Variants in LRRC4C observed in about 807,000 individuals in gnomAD.
LRRC4C encodes the protein leucine rich repeat containing 4C, also known as leucine-rich repeat-containing protein 4C.
Under a neutral mutation model 33.6 loss-of-function variants are expected in LRRC4C, and 5 were observed. The observed-to-expected ratio is 0.15, with a 90% CI of 0.08 to 0.31. The LOEUF is 0.31. Among genes scored for constraint, LRRC4C ranks in the 10% least tolerant of loss-of-function variants. The pLI is 1.00. For missense variants in LRRC4C, 560 were observed against 796.7 expected (o/e 0.70, Z 3.58); for synonymous variants, 329 against 302.0 (o/e 1.09, Z -0.93).
chr11:41,431,037 C>T (rs1028276451), intron 1 of LRRC4C, among the ~76,000 whole-genome samples: 1 of 151,958 alleles, frequency 6.6e-6, no homozygotes, highest in East Asian at 1.9e-4. Context: ...AGCTTAAATG[C>T]AAAAATTGTA....
intron 3 of LRRC4C, among the ~76,000 whole-genome samples, chr11:40,542,637 T>C (rs900180863): frequency 2.0e-5 from 3 of 151,064 alleles, no homozygotes; most frequent in Non-Finnish European, 3.0e-5. Context: ...GGGAAGTTCT[T>C]TCTCTCTCTC....
chr11:40,360,453 G>C (rs1590439485), intron 3 of LRRC4C, among the ~76,000 whole-genome samples: 3 of 152,184 alleles, frequency 2.0e-5, no homozygotes, highest in African/African-American at 7.2e-5. Flanking sequence ...AAAACACTCT[G>C]CTGCGTGCAC....
At chr11:40,360,140 T>G (rs988380422) in intron 3 of LRRC4C, among the ~76,000 whole-genome samples, 3 of 152,214 alleles carry the variant, frequency 2.0e-5, no homozygotes, top group African/African-American at 7.2e-5. Context: ...AAAGGCAGTA[T>G]GAGAGACTCT....
At chr11:41,348,751 C>T (rs1417451965) in intron 1 of LRRC4C, among the ~76,000 whole-genome samples, 3 of 152,122 alleles carry the variant, frequency 2.0e-5, no homozygotes, top group South Asian at 2.1e-4. Context: ...TCCTTTCTGG[C>T]CCTGAGTGGC....
chr11:40,355,542 C>T (rs889020298), intron 3 of LRRC4C, among the ~76,000 whole-genome samples: 18 of 152,124 alleles, frequency 1.2e-4, no homozygotes, highest in Admixed American at 2.0e-4. Flanking sequence ...CTGATATAAA[C>T]GCTCCCTCCA....
intron 1 of LRRC4C, among the ~76,000 whole-genome samples, chr11:41,308,503 G>T (rs1950563281): frequency 6.6e-6 from 1 of 152,116 alleles, no homozygotes; most frequent in South Asian, 2.1e-4. Flanking sequence ...GGGGACAGGG[G>T]CATCAAAAGC....
intron 1 of LRRC4C, among the ~76,000 whole-genome samples, chr11:41,143,040 C>T (rs747754683): frequency 6.6e-6 from 1 of 152,006 alleles, no homozygotes; most frequent in Non-Finnish European, 1.5e-5. Context: ...TCTATTTCCT[C>T]TCCTAGCCTT....
chr11:40,624,895 CT>C (rs1298391847), intron 3 of LRRC4C, among the ~76,000 whole-genome samples: 1 of 152,080 alleles, frequency 6.6e-6, no homozygotes, highest in South Asian at 2.1e-4. Flanking sequence ...AAAATAAGCC[CT>C]TTAAGGTCAT....
At chr11:40,615,123 C>T (rs1367298167) in intron 3 of LRRC4C, among the ~76,000 whole-genome samples, 1 of 150,914 alleles carries the variant, frequency 6.6e-6, no homozygotes, top group East Asian at 1.9e-4. Context: ...CAAAGCATAA[C>T]AAAATGAACT....
intron 3 of LRRC4C, among the ~76,000 whole-genome samples, chr11:40,604,460 T>C (rs925796446): frequency 2.6e-5 from 4 of 152,130 alleles, no homozygotes; most frequent in Non-Finnish European, 5.9e-5. Flanking sequence ...TTATGATCTC[T>C]AATATGAGGT....
chr11:41,285,776 G>A (rs1350687159), intron 1 of LRRC4C, among the ~76,000 whole-genome samples: 2 of 152,028 alleles, frequency 1.3e-5, no homozygotes, highest in African/African-American at 2.4e-5. Context: ...TTAATGTCAT[G>A]GTCATTACAT....
intron 3 of LRRC4C, among the ~76,000 whole-genome samples, chr11:40,628,203 C>T (rs184869038): frequency 3.3e-5 from 5 of 152,264 alleles, no homozygotes; most frequent in Admixed American, 2.0e-4. Context: ...ATCGGCCGGG[C>T]GCGGTGGCTC....
intron 1 of LRRC4C, among the ~76,000 whole-genome samples, chr11:41,104,135 G>A (rs1018161355): frequency 1.3e-5 from 2 of 151,912 alleles, no homozygotes; most frequent in African/African-American, 4.8e-5. Context: ...AATAACTTTT[G>A]CTTCTCAAAA....
intron 1 of LRRC4C, among the ~76,000 whole-genome samples, chr11:41,218,926 C>A (rs906691842): frequency 2.0e-5 from 3 of 152,014 alleles, no homozygotes; most frequent in African/African-American, 7.2e-5. Context: ...TGCCACCACG[C>A]CCGGCTAAAT....
intron 4 of LRRC4C, among the ~76,000 whole-genome samples, chr11:40,310,832 T>C (rs1329878968): frequency 6.6e-6 from 1 of 152,236 alleles, no homozygotes; most frequent in Non-Finnish European, 1.5e-5. Flanking sequence ...ATAATAACTA[T>C]ATATTATCTC....
At chr11:40,775,260 A>C (rs2137213024) in intron 2 of LRRC4C, among the ~76,000 whole-genome samples, 1 of 152,112 alleles carries the variant, frequency 6.6e-6, no homozygotes, top group East Asian at 1.9e-4. Flanking sequence ...AATACAAAAA[A>C]TTAGCTGGGC....
At chr11:41,135,793 C>A (rs1943231394) in intron 1 of LRRC4C, among the ~76,000 whole-genome samples, 1 of 152,148 alleles carries the variant, frequency 6.6e-6, no homozygotes. Flanking sequence ...CAATAGAATG[C>A]TAATTGCCCA....
At chr11:41,255,827 A>G (rs568897686) in intron 1 of LRRC4C, among the ~76,000 whole-genome samples, 134 of 152,142 alleles carry the variant, frequency 8.8e-4, no homozygotes, top group South Asian at 1.9e-3. Flanking sequence ...GTCTGGATCA[A>G]GTGGGAATGC....
intron 1 of LRRC4C, among the ~76,000 whole-genome samples, chr11:41,092,430 G>A (rs927753557): frequency 1.3e-5 from 2 of 152,184 alleles, no homozygotes; most frequent in Admixed American, 6.5e-5. Context: ...AAATGGCACT[G>A]TTGACTGTAG....
Sources: allele counts gnomAD v4.1 joint callset (sites outside exome capture counted in the v4.1 genomes callset), GRCh38; gene constraint gnomAD v4.1.1; transcripts MANE v1.5; gene names NCBI Gene and HGNC (gene_info 2026-07-23, HGNC 2026-07-21).